CHD4: variants seen among roughly 807,000 people sequenced by gnomAD.
CHD4 encodes the protein chromodomain helicase DNA binding protein 4.
Under a neutral mutation model 235.5 loss-of-function variants are expected in CHD4, and 35 were observed. The ratio of observed to expected loss-of-function variants is 0.15; its 90% CI spans 0.11 to 0.20. The LOEUF is 0.20. Ranked by LOEUF, CHD4 falls within the 10% of genes least tolerant of loss-of-function variation. The probability of loss-of-function intolerance (pLI) is 1.00; values close to 1 mark genes in which losing one functional copy is unlikely to be tolerated. For missense variants in CHD4, 1,329 were observed against 2,432.3 expected (o/e 0.55, Z 9.54); for synonymous variants, 900 against 850.2 (o/e 1.06, Z -1.02).
intron 10 of CHD4, among the ~76,000 whole-genome samples, chr12:6,599,525 T>C (rs1948554201): frequency 6.6e-6 from 1 of 152,110 alleles, no homozygotes. Flanking sequence ...CAGGGACAAA[T>C]GTTCTCAGCT....
At chr12:6,596,788 A>G (rs1260878606) in intron 12 of CHD4, among the ~76,000 whole-genome samples, 1 of 146,338 alleles carries the variant, frequency 6.8e-6, no homozygotes, top group Non-Finnish European at 1.5e-5. Context: ...CGACAGAACG[A>G]GACTCCATTT....
rs751939837 is a variant in CHD4, at chr12:6,599,929, T to G, written c.1326A>C (p.Glu442Asp). 1.2e-6 allele frequency: 2 copies of G among 1,614,138 alleles called. No individual in the cohort carries two copies. The highest frequency in any genetic ancestry group is 1.7e-6 in the Non-Finnish European group (2 of 1,180,010). Residue 442 changes from glutamate to aspartate, a missense_variant, in exon 10 of 40, where the codon GAA becomes GAC. Physicochemically the swap from Glu to Asp is conservative, Grantham distance 45. Coordinates refer to ENST00000544040, the MANE Select transcript of CHD4 (RefSeq NM_001273.5). ...EILEEVGGDL[E>D]EEDDHHMEFC... is the part of the protein sequence containing the mutation. ...ATTCCATATGGTGGTCATCCTCCTC[T>G]TCGAGGTCTCCCCCAACCTCTTCCA... is the stretch of plus-strand genomic sequence containing the variant.
intron 33 of CHD4, chr12:6,580,232 C>G (rs11064262): frequency 9.3e-6 from 1 of 107,084 alleles, no homozygotes; most frequent in African/African-American, 4.0e-5. Context: ...ATCTCGAAAA[C>G]AACAACAACA....
At position 6,597,995 on chromosome 12, in the gene CHD4, C is replaced by A; in HGVS notation, c.1791G>T (p.Lys597Asn). ...CAAATTTAGGGTCCTTGTTCTTTCG[C>A]TTTCGGCTTTTCTCTTCATCACCAC... ...DFGGDEEKSRKRKNKDPKFAE... is the reference protein window; with the variant it reads ...DFGGDEEKSRNRKNKDPKFAE... Residue 597 changes from lysine (K) to asparagine (N), a missense_variant, in exon 12 of 40, where the codon AAG becomes AAT. By Grantham distance (94) the Lys-to-Asn change is moderately conservative (BLOSUM62 0). This residue lies in a region of CHD4 where 121 missense variants were observed against 177.8 expected (regional missense o/e 0.68). Coordinates refer to ENST00000544040, the MANE Select transcript of CHD4 (RefSeq NM_001273.5). The A allele has an allele frequency of 6.2e-7, 1 of 1,614,236 alleles. No homozygotes were observed. Among genetic ancestry groups the A allele is most frequent in the Non-Finnish European group, 8.5e-7 (1 of 1,180,036 alleles).
chr12:6,577,576 C>G, intron 37 of CHD4: 1 of 611,396 alleles, frequency 1.6e-6, no homozygotes, highest in Non-Finnish European at 2.8e-6. Context: ...ACTGATTGGA[C>G]ACATAGTCAC....
intron 25 of CHD4, among the ~76,000 whole-genome samples, chr12:6,586,423 C>A (rs1035735050): frequency 5.3e-5 from 8 of 151,672 alleles, no homozygotes; most frequent in South Asian, 2.1e-4. Flanking sequence ...TAAATACATA[C>A]ATACATACAT....
intron 12 of CHD4, among the ~76,000 whole-genome samples, chr12:6,597,175 C>G (rs1948514213): frequency 1.3e-5 from 2 of 150,160 alleles, no homozygotes; most frequent in South Asian, 4.2e-4. Context: ...ACTCGGGAGG[C>G]TGAGGCAGGA....
Position 6,579,068 on chromosome 12 carries a change from A to T in CHD4, c.4910-151T>A, listed in dbSNP as rs1409729950. On this transcript the variant is annotated intron_variant, in intron 33 of 39. Transcript: ENST00000544040. Reference sequence around the variant, plus strand: ...GGTGGCTCATGCCTGTAATCCCAGCATCTTGGGAGACAGCAGCAGGCAGAT... The same window carrying T: ...GGTGGCTCATGCCTGTAATCCCAGCTTCTTGGGAGACAGCAGCAGGCAGAT... The T allele has an allele frequency of 6.3e-6, 4 of 631,030 alleles. No homozygotes were observed. The East Asian group carries it at 1.1e-4, about 18-fold the overall frequency. The allele number at this position is 631,030 out of a possible 1,614,324, so 39.1% of individuals were successfully genotyped here.
chr12:6,587,508 T>C lies in CHD4; in HGVS notation c.3755A>G (p.Lys1252Arg). The stretch of plus-strand genomic sequence containing the variant: ...ACGGTCTAGCAGCCGTTCAATGGCC[T>C]TATCATCGTAGTGGATAACACTGCT... ...EDSSVIHYDDKAIERLLDRNQ... is the reference protein window; with the variant it reads ...EDSSVIHYDDRAIERLLDRNQ... Residue 1252 changes from lysine (K) to arginine (R), a missense_variant, in exon 25 of 40, where the codon AAG becomes AGG. Lys to Arg is a conservative substitution (Grantham distance 26, BLOSUM62 2). Coordinates refer to ENST00000544040, the MANE Select transcript of CHD4 (RefSeq NM_001273.5). 2.5e-6 allele frequency: 4 copies of C among 1,614,206 alleles called. No homozygotes were observed. Among genetic ancestry groups the C allele is most frequent in the Non-Finnish European group, 3.4e-6 (4 of 1,180,044 alleles).
chr12:6,600,789 G>T, intron 7 of CHD4, 120 bp from the exon 8 acceptor site: 1 of 1,508,304 alleles, frequency 6.6e-7, no homozygotes, highest in Non-Finnish European at 8.9e-7. Context: ...GTTATACAGG[G>T]AGCCTAGTCT....
chr12:6,577,701 G>A (rs1377373062), intron 37 of CHD4, 84 bp downstream of exon 37: 4 of 1,559,244 alleles, frequency 2.6e-6, no homozygotes, highest in African/African-American at 2.7e-5. Flanking sequence ...ACAGTGCGCT[G>A]GATGGACAGA....
Position 6,581,283 on chromosome 12 carries a change from T to A in CHD4, c.4779+8A>T. The A allele has an allele frequency of 6.2e-7, 1 of 1,614,104 alleles. No homozygotes were observed. The highest frequency in any genetic ancestry group is 8.5e-7 in the Non-Finnish European group (1 of 1,179,980). ...TTTAGTATGGCATTCAGTCACCCCA[T>A]CTCTTACCTCAATGGCAGTCTCAGG... On this transcript the variant is annotated splice_region_variant and intron_variant, in intron 32 of 39. Coordinates refer to ENST00000544040, the MANE Select transcript of CHD4 (RefSeq NM_001273.5).
intron 26 of CHD4, 42 bp from the exon 27 acceptor site, chr12:6,583,155 G>C: frequency 8.2e-7 from 1 of 1,222,040 alleles, no homozygotes. Flanking sequence ...CACTGCTCTA[G>C]TGGAACGGCC....
chr12:6,582,547 C>T, intron 29 of CHD4, 68 bp downstream of exon 29: 2 of 1,546,338 alleles, frequency 1.3e-6, no homozygotes, highest in Non-Finnish European at 1.7e-6. Flanking sequence ...AGGCCTAGAA[C>T]CATGGAATGA....
chr12:6,588,947 A>G (rs535373489), intron 22 of CHD4, among the ~76,000 whole-genome samples: 1 of 152,268 alleles, frequency 6.6e-6, no homozygotes, highest in African/African-American at 2.4e-5. Context: ...CCTAACTCTT[A>G]TAGAAAAATG....
chr12:6,570,746 A>C, intron 39 of CHD4, 53 bp from the exon 40 acceptor site: 1 of 1,613,704 alleles, frequency 6.2e-7, no homozygotes. Context: ...AATCCACCCA[A>C]TCTCAAGGGA....
In CHD4 at chr12:6,606,362, G is replaced by A. The variant is rs1411810014; in HGVS notation, c.12C>T (p.Gly4=). The part of the protein sequence containing the change: MAS[G]LGSPSPCSAG... ...CCGAGCAGGGGGACGGGGAGCCCAG[G>A]CCCGACGCCATCCCCTTCCGCTCCC... is the stretch of plus-strand genomic sequence containing the variant. Residue 4 remains glycine, a synonymous_variant, in exon 2 of 40, where the codon GGC becomes GGT. Transcript: ENST00000544040. 1 of 1,569,846 alleles carries A rather than the reference G, an allele frequency of 6.4e-7. No individual in the cohort carries two copies. The highest frequency in any genetic ancestry group is 1.1e-5 in the South Asian group (1 of 87,356).
chr12:6,576,849 G>A (rs1948079765), intron 37 of CHD4, among the ~76,000 whole-genome samples: 1 of 151,996 alleles, frequency 6.6e-6, no homozygotes. Flanking sequence ...TTTATCCCTG[G>A]GCACATCATT....
chr12:6,578,332 C>T, intron 35 of CHD4, 77 bp downstream of exon 35: 1 of 1,542,102 alleles, frequency 6.5e-7, no homozygotes, highest in Non-Finnish European at 8.8e-7. Flanking sequence ...GGTAAAGTCC[C>T]TGTACCGTGG....
Sources: gnomAD v4.1 joint callset for allele counts (sites outside exome capture counted in the v4.1 genomes callset) on GRCh38, gnomAD v4.1.1 for gene constraint, gnomAD v4.1.1 regional missense constraint, MANE v1.5 for transcripts, NCBI Gene and HGNC (gene_info 2026-07-23, HGNC 2026-07-21) for gene names.